IAPP: variants seen among roughly 807,000 people sequenced by gnomAD.
The protein encoded by IAPP is islet amyloid polypeptide, also known as Islet amyloid polypeptide (diabetes-associated peptide; amylin).
Under a neutral mutation model 2.9 loss-of-function variants are expected in IAPP, and 4 were observed. That is an observed-to-expected ratio of 1.39 (90% CI 0.69 to 3.19). The LOEUF is 3.19. Among genes scored for constraint, IAPP ranks in the 30% most tolerant of loss-of-function variants. IAPP has a pLI of 0.01. For synonymous variants in IAPP, 40 were observed against 42.1 expected (o/e 0.95, Z 0.19); for missense variants, 114 against 105.3 (o/e 1.08, Z -0.36).
intron 1 of IAPP, among the ~76,000 whole-genome samples, chr12:21,358,804 T>C (rs1010853540): frequency 1.3e-3 from 198 of 152,222 alleles, no homozygotes; most frequent in African/African-American, 4.6e-3. Context: ...TTCTAATACA[T>C]AAGTCTAAAT....
chr12:21,376,086 T>C (rs902545186), intron 2 of IAPP, among the ~76,000 whole-genome samples: 17 of 152,174 alleles, frequency 1.1e-4, no homozygotes, highest in African/African-American at 3.6e-4. Flanking sequence ...CTTTTACTAT[T>C]TCTTCTAAGT....
At position 21,379,863 on chromosome 12, in the gene IAPP, C is replaced by T. The variant is rs2137119299; in HGVS notation, c.*1437C>T. 1 of 152,164 alleles carries T rather than the reference C, an allele frequency of 6.6e-6. No individual in the cohort carries two copies. Among genetic ancestry groups the T allele is most frequent in the East Asian group, 1.9e-4 (1 of 5,178 alleles). 9.4% of individuals were successfully genotyped at this position (152,164 alleles called of 1,614,324 possible). A position where few individuals can be genotyped will look rare whatever the true frequency, so the allele number is the denominator to read the frequency against. ...TAGGTTACCAAATTGTAGAGGCTTT[C>T]GTTGGTGGTGGTAAGTGGTAGCGGT... On this transcript the variant is annotated 3_prime_UTR_variant, in exon 3 of 3. Transcript: ENST00000240652.
intron 2 of IAPP, among the ~76,000 whole-genome samples, chr12:21,377,785 A>G (rs1428095464): frequency 3.3e-5 from 5 of 152,234 alleles, no homozygotes; most frequent in African/African-American, 1.2e-4. Flanking sequence ...TATCTCAAGG[A>G]ACTTAAAGAC....
In IAPP at chr12:21,378,544, A is replaced by C; in HGVS notation, c.*118A>C. 1.2e-6 allele frequency: 1 copy of C among 832,376 alleles called. No homozygotes were observed. The highest frequency in any genetic ancestry group is 1.4e-5 in the South Asian group (1 of 69,356). 51.6% of individuals were successfully genotyped at this position (832,376 alleles called of 1,614,324 possible). ...GTCTGTGTGTCTGATGTTTGTTGCT[A>C]GGACATATACCTTCTCAAAAGATTG... On this transcript the variant is annotated 3_prime_UTR_variant, in exon 3 of 3. Transcript: ENST00000240652.
chr12:21,363,671 G>C (rs1939126420), intron 1 of IAPP, among the ~76,000 whole-genome samples: 1 of 152,240 alleles, frequency 6.6e-6, no homozygotes, highest in South Asian at 2.1e-4. Context: ...AAGAAGAAAA[G>C]AGAGAAGTGT....
chr12:21,364,720 T>G (rs540597032), intron 1 of IAPP, among the ~76,000 whole-genome samples: 5 of 152,182 alleles, frequency 3.3e-5, no homozygotes, highest in Non-Finnish European at 7.3e-5. Flanking sequence ...AAACTCAGTG[T>G]GCAAAATTCA....
chr12:21,371,523 TCAAA>T (rs766280527), upstream of IAPP, among the ~76,000 whole-genome samples: 30 of 152,164 alleles, frequency 2.0e-4, no homozygotes, highest in Non-Finnish European at 4.0e-4. Flanking sequence ...CCAAACACCT[TCAAA>T]CAATGTTACA....
intron 2 of IAPP, among the ~76,000 whole-genome samples, chr12:21,376,688 T>C (rs1940220069): frequency 6.6e-6 from 1 of 151,798 alleles, no homozygotes. Flanking sequence ...TCACATGAGA[T>C]TATTAAATAT....
At chr12:21,369,849 T>A (rs1293974834), upstream of IAPP, among the ~76,000 whole-genome samples, 2 of 152,186 alleles carry the variant, frequency 1.3e-5, no homozygotes, top group African/African-American at 4.8e-5. Context: ...GAAAGGAGAT[T>A]ATGCCCTTGT....
rs777036230 is a variant in IAPP at position 21,373,344 on chromosome 12, G to C, written c.-8G>C. 7 of 1,604,710 alleles carry C rather than the reference G, an allele frequency of 4.4e-6. No homozygotes were observed. The East Asian group carries it at 1.6e-4, about 36-fold the overall frequency. ...CTGGATTATTCTTTGCAGAAAATTTGAGAAGCAATGGGCATCCTGAAGCTG... is the reference window on the plus strand; with the variant it reads ...CTGGATTATTCTTTGCAGAAAATTTCAGAAGCAATGGGCATCCTGAAGCTG... On this transcript the variant is annotated 5_prime_UTR_variant, in exon 2 of 3. Coordinates refer to ENST00000240652, the MANE Select transcript of IAPP (RefSeq NM_000415.3).
rs1391252946 is a variant in IAPP at position 21,379,714 on chromosome 12, A to G, written c.*1288A>G. 1 of 152,192 alleles carries G rather than the reference A, an allele frequency of 6.6e-6. No individual in the cohort carries two copies. The highest frequency in any genetic ancestry group is 2.4e-5 in the African/African-American group (1 of 41,446). The allele number at this position is 152,192 out of a possible 1,614,324, so 9.4% of individuals were successfully genotyped here. On this transcript the variant is annotated 3_prime_UTR_variant, in exon 3 of 3. Transcript: ENST00000240652. ...AACTGCCATCATGCTGCGTTATGCC[A>G]TTTCTAAAGACACTCAACTTGTACT...
chr12:21,377,937 G>A (rs1940321346), intron 2 of IAPP, among the ~76,000 whole-genome samples: 1 of 151,974 alleles, frequency 6.6e-6, no homozygotes, highest in Non-Finnish European at 1.5e-5. Context: ...TTTTAAAAAT[G>A]TAAGACAAAG....
At chr12:21,356,531 T>C (rs1294550038) in intron 1 of IAPP, among the ~76,000 whole-genome samples, 1 of 128,836 alleles carries the variant, frequency 7.8e-6, no homozygotes, top group Non-Finnish European at 1.7e-5. Flanking sequence ...AAGAAAAAAA[T>C]GAGTCATGAT....
At chr12:21,365,603 A>C (rs1370963734) in intron 1 of IAPP, among the ~76,000 whole-genome samples, 1 of 152,216 alleles carries the variant, frequency 6.6e-6, no homozygotes, top group Non-Finnish European at 1.5e-5. Context: ...CATCAGAGTG[A>C]ACAGGCAACC....
chr12:21,372,348 G>A (rs914299997), upstream of IAPP, among the ~76,000 whole-genome samples: 4 of 152,040 alleles, frequency 2.6e-5, no homozygotes, highest in Non-Finnish European at 4.4e-5. Flanking sequence ...CATATCTCTG[G>A]TACCTAGAAT....
At chr12:21,361,273 G>C (rs1391987458) in intron 1 of IAPP, among the ~76,000 whole-genome samples, 1 of 152,210 alleles carries the variant, frequency 6.6e-6, no homozygotes, top group Non-Finnish European at 1.5e-5. Flanking sequence ...CAGGCAAACA[G>C]GGTCTGGAGT....
intron 1 of IAPP, among the ~76,000 whole-genome samples, chr12:21,359,561 T>C (rs1285148780): frequency 6.6e-6 from 1 of 152,076 alleles, no homozygotes; most frequent in African/African-American, 2.4e-5. Flanking sequence ...CAATCAACAT[T>C]GTAGTGTCTC....
intron 1 of IAPP, among the ~76,000 whole-genome samples, chr12:21,365,971 C>A (rs1377188989): frequency 5.3e-5 from 8 of 152,298 alleles, no homozygotes; most frequent in Non-Finnish European, 2.9e-5. Flanking sequence ...GTAGTTCAAC[C>A]ATTGTGGAAG....
intron 1 of IAPP, among the ~76,000 whole-genome samples, chr12:21,362,335 A>G: frequency 6.6e-6 from 1 of 152,212 alleles, no homozygotes; most frequent in African/African-American, 2.4e-5. Context: ...AATGCTTTAC[A>G]GACAAACAAA....
Sources: gnomAD v4.1 joint callset for allele counts (sites outside exome capture counted in the v4.1 genomes callset) on GRCh38, gnomAD v4.1.1 for gene constraint, MANE v1.5 for transcripts, NCBI Gene and HGNC (gene_info 2026-07-23, HGNC 2026-07-21) for gene names.